The following RHBDD1 variants were observed in gnomAD, a reference collection of about 807,000 sequenced individuals.
The protein encoded by RHBDD1 is rhomboid domain containing 1.
A neutral mutation model predicts 36.3 loss-of-function variants in RHBDD1; 38 were observed. The ratio of observed to expected loss-of-function variants is 1.05; its 90% CI spans 0.81 to 1.37. The LOEUF (loss-of-function observed/expected upper bound fraction) is 1.37, where lower values mean the gene tolerates loss of function less well. Ranked by LOEUF, RHBDD1 falls within the 40% of genes most tolerant of loss-of-function variation. The probability of loss-of-function intolerance (pLI) is 0.00; values close to 1 mark genes in which losing one functional copy is unlikely to be tolerated. For missense variants in RHBDD1, 393 were observed against 377.6 expected, an observed-to-expected ratio of 1.04 and a Z score of -0.34; for synonymous variants, 151 against 136.5, an observed-to-expected ratio of 1.11 and a Z score of -0.74.
At chr2:226,940,052 G>A (rs544120271) in intron 8 of RHBDD1, among the ~76,000 whole-genome samples, 1 of 152,266 alleles carries the variant, frequency 6.6e-6, no homozygotes, top group East Asian at 1.9e-4. Flanking sequence ...TGGGAGAACT[G>A]GTTAGCCATA....
intron 5 of RHBDD1, among the ~76,000 whole-genome samples, chr2:226,873,097 C>T (rs910309253): frequency 6.6e-6 from 1 of 152,194 alleles, no homozygotes; most frequent in African/African-American, 2.4e-5. Context: ...CTAGCTGCCA[C>T]AGGACACTTG....
At chr2:226,846,771 T>C (rs1277257347) in intron 3 of RHBDD1, among the ~76,000 whole-genome samples, 2 of 134,228 alleles carry the variant, frequency 1.5e-5, no homozygotes, top group African/African-American at 5.5e-5. Flanking sequence ...AAAAAGGAAA[T>C]GTAAGAGTAA....
At chr2:226,865,667 G>A (rs1163556400) in intron 4 of RHBDD1, among the ~76,000 whole-genome samples, 1 of 152,192 alleles carries the variant, frequency 6.6e-6, no homozygotes, top group Non-Finnish European at 1.5e-5. Context: ...TTCACTGTGT[G>A]TGTTCCTTGC....
intron 3 of RHBDD1, among the ~76,000 whole-genome samples, chr2:226,845,708 TTA>T (rs1427094132): frequency 6.6e-6 from 1 of 152,230 alleles, no homozygotes; most frequent in Non-Finnish European, 1.5e-5. Flanking sequence ...CATTTGTTCT[TTA>T]TGTCTTAGAG....
chr2:226,966,419 C>T (rs75530898), intron 8 of RHBDD1, among the ~76,000 whole-genome samples: 1,708 of 152,252 alleles, frequency 0.011, 12 homozygotes, highest in Non-Finnish European at 0.018. Context: ...TCTGCAGTAA[C>T]GGACATGCTT....
intron 4 of RHBDD1, among the ~76,000 whole-genome samples, chr2:226,865,500 C>T (rs1454571738): frequency 1.3e-5 from 2 of 151,790 alleles, no homozygotes; most frequent in African/African-American, 4.9e-5. Context: ...TGATTACCAA[C>T]TTGTCTGCAC....
At chr2:226,861,809 T>G (rs1278725317) in intron 3 of RHBDD1, among the ~76,000 whole-genome samples, 2 of 152,260 alleles carry the variant, frequency 1.3e-5, no homozygotes, top group East Asian at 1.9e-4. Flanking sequence ...AGTTGAAAGT[T>G]GACTTGAGTT....
intron 3 of RHBDD1, among the ~76,000 whole-genome samples, chr2:226,849,457 G>C (rs1191539221): frequency 1.3e-5 from 2 of 152,212 alleles, no homozygotes; most frequent in African/African-American, 4.8e-5. Context: ...GGAAGGAATT[G>C]AATGGGTTGG....
At chr2:226,811,041 C>G in the RHBDD1 span, 3 of 152,174 alleles carry the variant, frequency 2.0e-5, no homozygotes, top group Non-Finnish European at 4.4e-5. Context: ...AAATTGCTTA[C>G]TCTCTTTCAT....
At position 226,995,649 on chromosome 2, in the gene RHBDD1, C is replaced by T; in HGVS notation, c.*127C>T. On this transcript the variant is annotated 3_prime_UTR_variant, in exon 9 of 9. Coordinates refer to ENST00000392062, the MANE Select transcript of RHBDD1 (RefSeq NM_001167608.3). ...AGTACACCGGTATTGCTCCAGATCG[C>T]TCACATCACCTGGGACAGTCCCATG... 1 of 698,516 alleles carries T rather than the reference C, an allele frequency of 1.4e-6. No individual in the cohort carries two copies. The highest frequency in any genetic ancestry group is 2.5e-6 in the Non-Finnish European group (1 of 393,354). 43.3% of individuals were successfully genotyped at this position (698,516 alleles called of 1,614,324 possible).
intron 8 of RHBDD1, among the ~76,000 whole-genome samples, chr2:226,983,625 T>C (rs1471415542): frequency 6.6e-6 from 1 of 152,240 alleles, no homozygotes; most frequent in Non-Finnish European, 1.5e-5. Flanking sequence ...TTGTCTTTTT[T>C]TTTCCTTATT....
At chr2:226,875,542 CCAGAA>C (rs1559220829) in intron 5 of RHBDD1, among the ~76,000 whole-genome samples, 2 of 151,852 alleles carry the variant, frequency 1.3e-5, no homozygotes, top group Admixed American at 6.6e-5. Context: ...ACCCCCCAAA[CCAGAA>C]CAGAAGGTGG....
At chr2:226,962,086 A>G (rs1952240887) in intron 8 of RHBDD1, among the ~76,000 whole-genome samples, 2 of 152,178 alleles carry the variant, frequency 1.3e-5, no homozygotes, top group Non-Finnish European at 2.9e-5. Flanking sequence ...CTTAGCTTAG[A>G]CATCCGAGCT....
At chr2:226,900,757 G>A (rs537389064) in intron 5 of RHBDD1, among the ~76,000 whole-genome samples, 22 of 152,200 alleles carry the variant, frequency 1.4e-4, no homozygotes, top group Admixed American at 1.4e-3. Flanking sequence ...AATAAATGTT[G>A]TATATGTTTA....
intron 8 of RHBDD1, among the ~76,000 whole-genome samples, chr2:226,968,625 C>T (rs947257447): frequency 1.3e-5 from 2 of 152,188 alleles, no homozygotes; most frequent in African/African-American, 4.8e-5. Flanking sequence ...AAAAGAGCAT[C>T]GCACTTGGAG....
At chr2:226,953,694 A>G (rs1326381551) in intron 8 of RHBDD1, among the ~76,000 whole-genome samples, 2 of 152,194 alleles carry the variant, frequency 1.3e-5, no homozygotes, top group African/African-American at 4.8e-5. Flanking sequence ...ACCTTAAAGG[A>G]TTGTCAGTAA....
intron 8 of RHBDD1, chr2:226,969,002 G>A (rs1417237298): frequency 5.0e-6 from 1 of 201,698 alleles, no homozygotes; most frequent in Non-Finnish European, 1.1e-5. Flanking sequence ...TGTGTCCAAG[G>A]TATGGACCAG....
At chr2:226,802,026 C>A in the RHBDD1 span, among the ~76,000 whole-genome samples, 1 of 151,810 alleles carries the variant, frequency 6.6e-6, no homozygotes, top group Admixed American at 6.6e-5. Flanking sequence ...CTCCACCCCC[C>A]ACCCCCCAAA....
At chr2:226,833,948 G>C (rs1246102903), upstream of RHBDD1, among the ~76,000 whole-genome samples, 1 of 152,082 alleles carries the variant, frequency 6.6e-6, no homozygotes, top group African/African-American at 2.4e-5. Context: ...AAAAGAGAAG[G>C]TCATTTTTTA....
Sources: allele counts gnomAD v4.1 joint callset (sites outside exome capture counted in the v4.1 genomes callset), GRCh38; gene constraint gnomAD v4.1.1; transcripts MANE v1.5; gene names NCBI Gene and HGNC (gene_info 2026-07-23, HGNC 2026-07-21).